CMTM8: variants seen among roughly 807,000 people sequenced by gnomAD.
CMTM8 encodes CKLF-like MARVEL transmembrane domain-containing protein 8.
A neutral mutation model predicts 18.6 loss-of-function variants in CMTM8; 12 were observed. The observed-to-expected ratio is 0.65, with a 90% CI of 0.41 to 1.05. The LOEUF (loss-of-function observed/expected upper bound fraction) is 1.05, where lower values mean the gene tolerates loss of function less well. Ranked by LOEUF, CMTM8 falls within the 50% of genes least tolerant of loss-of-function variation. The probability of loss-of-function intolerance (pLI) is 0.00; values close to 1 mark genes in which losing one functional copy is unlikely to be tolerated. For synonymous variants in CMTM8, 87 were observed against 90.6 expected (o/e 0.96, Z 0.23); for missense variants, 217 against 227.2 (o/e 0.95, Z 0.29).
chr3:32,242,014 C>G (rs1466746030), intron 1 of CMTM8, among the ~76,000 whole-genome samples: 1 of 152,200 alleles, frequency 6.6e-6, no homozygotes, highest in Non-Finnish European at 1.5e-5. Flanking sequence ...GGCCTGGTGG[C>G]CTGCACACAG....
At chr3:32,333,490 C>T (rs1696320672) in intron 1 of CMTM8, among the ~76,000 whole-genome samples, 1 of 152,178 alleles carries the variant, frequency 6.6e-6, no homozygotes. Context: ...TGTGTATACA[C>T]TGATGTTTGG....
chr3:32,293,470 TC>T (rs1484431340), intron 1 of CMTM8, among the ~76,000 whole-genome samples: 16 of 152,106 alleles, frequency 1.1e-4, no homozygotes, highest in Non-Finnish European at 2.9e-5. Context: ...ATTGCTTGAA[TC>T]CGGGAGGCGG....
At chr3:32,250,553 AT>A (rs1449622419) in intron 1 of CMTM8, among the ~76,000 whole-genome samples, 2 of 152,122 alleles carry the variant, frequency 1.3e-5, no homozygotes, top group East Asian at 3.8e-4. Flanking sequence ...GTCTTCTCTA[AT>A]TTCTTTCAAC....
intron 1 of CMTM8, among the ~76,000 whole-genome samples, chr3:32,293,227 T>C (rs1702814371): frequency 6.6e-6 from 1 of 152,048 alleles, no homozygotes; most frequent in South Asian, 2.1e-4. Context: ...CTGTGGTTAA[T>C]TGGGTACTTG....
chr3:32,316,580 G>C (rs1695936725), intron 1 of CMTM8, among the ~76,000 whole-genome samples: 1 of 152,204 alleles, frequency 6.6e-6, no homozygotes, highest in South Asian at 2.1e-4. Flanking sequence ...TATAGAGCCT[G>C]ATGGAGATGT....
In CMTM8 at chr3:32,319,693, A is replaced by G. The variant is rs560825544; in HGVS notation, c.148-37680A>G. ...AATTAACAATATTATCACTGGCATC[A>G]GCAGTTCCGCTTTTCCATCTTCCAC... is the stretch of plus-strand genomic sequence containing the variant. On this transcript the variant is annotated intron_variant, in intron 1 of 3. Coordinates refer to ENST00000307526, the MANE Select transcript of CMTM8 (RefSeq NM_178868.5). Among the ~76,000 whole-genome samples, 12 of 152,336 alleles carry G rather than the reference A, an allele frequency of 7.9e-5. No individual in the cohort carries two copies. The South Asian group carries it at 2.3e-3, about 29-fold the overall frequency.
chr3:32,301,644 A>G (rs892417092), intron 1 of CMTM8, among the ~76,000 whole-genome samples: 56 of 152,002 alleles, frequency 3.7e-4, no homozygotes, highest in African/African-American at 1.3e-3. Context: ...GGCATCGGTG[A>G]CATTGCACTG....
At chr3:32,259,530 A>T (rs898852827) in intron 1 of CMTM8, 6 of 789,710 alleles carry the variant, frequency 7.6e-6, no homozygotes, top group African/African-American at 1.7e-5. Flanking sequence ...ACTCGGCTGC[A>T]GCTGGAGACA....
chr3:32,319,861 T>C lies in CMTM8; in HGVS notation c.148-37512T>C, dbSNP rs181440990. Reference sequence around the variant, plus strand: ...CCCTTGGAAGTATTGGTTTGTCAGCTCATGTCAGGATGCTTAACATAAAAG... The same window carrying C: ...CCCTTGGAAGTATTGGTTTGTCAGCCCATGTCAGGATGCTTAACATAAAAG... On this transcript the variant is annotated intron_variant, in intron 1 of 3. Coordinates refer to ENST00000307526, the MANE Select transcript of CMTM8 (RefSeq NM_178868.5). 5.9e-5 allele frequency among the ~76,000 whole-genome samples: 9 copies of C among 152,346 alleles called. No individual in the cohort carries two copies. In the East Asian group the frequency reaches 1.7e-3, roughly 29 times the overall value.
chr3:32,322,977 G>A (rs563933230), intron 1 of CMTM8, among the ~76,000 whole-genome samples: 2 of 152,254 alleles, frequency 1.3e-5, no homozygotes, highest in South Asian at 2.1e-4. Flanking sequence ...ATGCTGTATA[G>A]GCTCTCTCCA....
At chr3:32,323,052 T>G (rs749720179) in intron 1 of CMTM8, among the ~76,000 whole-genome samples, 6 of 152,046 alleles carry the variant, frequency 3.9e-5, no homozygotes, top group Non-Finnish European at 7.4e-5. Flanking sequence ...GGCAGTGAGG[T>G]CAGCCTAGCA....
intron 1 of CMTM8, among the ~76,000 whole-genome samples, chr3:32,330,534 C>G (rs1476155728): frequency 6.6e-6 from 1 of 151,986 alleles, no homozygotes; most frequent in Non-Finnish European, 1.5e-5. Flanking sequence ...CTACAGTAAT[C>G]AAAATAGTAT....
chr3:32,369,991 G>GAAA lies in CMTM8; in HGVS notation c.*31_*33dup. On this transcript the variant is annotated 3_prime_UTR_variant, in exon 4 of 4. Transcript: ENST00000307526. Reference sequence around the variant, plus strand: ...GATTTACCATTTTGATAATTAAAAGGAAAAAAAAAGGAAGACTCTCACTGT... The same window carrying GAAA: ...GATTTACCATTTTGATAATTAAAAGGAAAAAAAAAAAAGGAAGACTCTCACTGT... 7.4e-7 allele frequency: 1 copy of GAAA among 1,359,444 alleles called. No homozygotes were observed. The allele number at this position is 1,359,444 out of a possible 1,614,324, so 84.2% of individuals were successfully genotyped here.
At chr3:32,273,360 A>G (rs1463974072) in intron 1 of CMTM8, among the ~76,000 whole-genome samples, 1 of 152,208 alleles carries the variant, frequency 6.6e-6, no homozygotes, top group Non-Finnish European at 1.5e-5. Flanking sequence ...ATATATATAC[A>G]TACACACACA....
intron 1 of CMTM8, among the ~76,000 whole-genome samples, chr3:32,348,701 A>T (rs953189182): frequency 6.6e-6 from 1 of 151,540 alleles, no homozygotes; most frequent in Admixed American, 6.6e-5. Flanking sequence ...GGGTTTTGCC[A>T]TGTTACCCAG....
chr3:32,325,827 T>G (rs1233575403), intron 1 of CMTM8, among the ~76,000 whole-genome samples: 3 of 152,228 alleles, frequency 2.0e-5, no homozygotes, highest in Non-Finnish European at 4.4e-5. Context: ...GCAGTTTTCC[T>G]TCTCATCATT....
At chr3:32,321,862 G>A (rs972610662) in intron 1 of CMTM8, among the ~76,000 whole-genome samples, 1 of 152,208 alleles carries the variant, frequency 6.6e-6, no homozygotes, top group Non-Finnish European at 1.5e-5. Flanking sequence ...GCCTCCCAAG[G>A]TGCTGGGAGT....
At chr3:32,347,159 G>C (rs1322617620) in intron 1 of CMTM8, among the ~76,000 whole-genome samples, 1 of 152,036 alleles carries the variant, frequency 6.6e-6, no homozygotes, top group Non-Finnish European at 1.5e-5. Context: ...TCAATATTCT[G>C]TGTTTATTAT....
intron 1 of CMTM8, among the ~76,000 whole-genome samples, chr3:32,325,032 C>G (rs1407084927): frequency 6.6e-6 from 1 of 152,180 alleles, no homozygotes; most frequent in Non-Finnish European, 1.5e-5. Flanking sequence ...TTTTTATCTC[C>G]TGCTTTCAGG....
Sources: allele counts gnomAD v4.1 joint callset (sites outside exome capture counted in the v4.1 genomes callset), GRCh38; gene constraint gnomAD v4.1.1; transcripts MANE v1.5; gene names NCBI Gene and HGNC (gene_info 2026-07-23, HGNC 2026-07-21).